The following RPL7 variants were observed in gnomAD, a reference collection of about 807,000 sequenced individuals.
RPL7 encodes ribosomal protein L7, also known as large ribosomal subunit protein uL30.
For synonymous variants in RPL7, 100 were observed against 102.2 expected (o/e 0.98, Z 0.13); for missense variants, 205 against 301.9 (o/e 0.68, Z 2.38).
In RPL7 at chr8:73,292,755, C is replaced by G. The variant is rs1333558191; in HGVS notation, c.57G>C (p.Lys19Asn). ...GCTCTGCGAAATTCCTTCGCTTTTT[C>G]TTAAGGGTTTCTGGCACAGCAGGAA... is the stretch of plus-strand genomic sequence containing the variant. ...KEVPAVPETL[K>N]KKRRNFAELK... is the part of the protein sequence containing the mutation. Residue 19 changes from lysine to asparagine, a missense_variant, in exon 2 of 7, where the codon AAG (lysine) becomes AAC (asparagine). By Grantham distance (94) the Lys-to-Asn change is moderately conservative (BLOSUM62 0). Transcript: ENST00000352983. 6.2e-7 allele frequency: 1 copy of G among 1,613,460 alleles called. No homozygotes were observed. The highest frequency in any genetic ancestry group is 1.3e-5 in the African/African-American group (1 of 74,838).
intron 6 of RPL7, 33 bp downstream of exon 6, chr8:73,291,010 T>G: frequency 6.6e-7 from 1 of 1,506,418 alleles, no homozygotes; most frequent in South Asian, 1.1e-5. Flanking sequence ...ACTCTAACAT[T>G]AACTCAACCT....
chr8:73,291,465 T>A, intron 5 of RPL7, 87 bp downstream of exon 5: 1 of 1,025,760 alleles, frequency 9.7e-7, no homozygotes, highest in Non-Finnish European at 1.4e-6. Flanking sequence ...CACATGAAGA[T>A]TCACAATAGT....
Position 73,293,595 on chromosome 8 carries a change from T to C in RPL7, c.14+4A>G. 6.2e-7 allele frequency: 1 copy of C among 1,613,712 alleles called. No individual in the cohort carries two copies. On this transcript the variant is annotated splice_donor_region_variant and intron_variant, in intron 1 of 6. Transcript: ENST00000352983. ...GATTCTCAAGAGGACCAGAAGCAAC[T>C]CACTCTACACCCTCCATGGTTCCAG...
rs1778952873 is a variant in RPL7 at position 73,291,835 on chromosome 8, A to G, written c.366T>C (p.Phe122=). ...TAATCGAAGCCTTGTTGAGCTTCAC[A>G]AAGGTTCCATTGAAGATTTGACGAA... ...LRLRQIFNGT[F]VKLNKASINM... Residue 122 remains phenylalanine, a synonymous_variant, in exon 4 of 7, where the codon TTT becomes TTC. Coordinates refer to ENST00000352983, the MANE Select transcript of RPL7 (RefSeq NM_000971.4). 4 of 1,613,130 alleles carry G rather than the reference A, an allele frequency of 2.5e-6. No homozygotes were observed. The highest frequency in any genetic ancestry group is 1.3e-5 in the African/African-American group (1 of 74,912).
chr8:73,292,704 C>G lies in RPL7; in HGVS notation c.108G>C (p.Lys36Asn), dbSNP rs953433195. 77 of 1,612,476 alleles carry G rather than the reference C, an allele frequency of 4.8e-5. No individual in the cohort carries two copies. The highest frequency in any genetic ancestry group is 6.4e-5 in the Non-Finnish European group (75 of 1,179,618). The part of the protein sequence containing the change: ...AELKIKRLRK[K>N]FAQKMLRKAR... ...GTTTACTTACCATCTTTTGGGCAAA[C>G]TTCTTTCTCAGGCGCTTGATCTTCA... Residue 36 changes from lysine (K) to asparagine (N), a missense_variant, in exon 2 of 7, where the codon AAG (lysine) becomes AAC (asparagine). Physicochemically the swap from Lys to Asn is moderately conservative, Grantham distance 94. Transcript: ENST00000352983.
chr8:73,291,290 C>G (rs747245110), intron 5 of RPL7, 38 bp from the exon 6 acceptor site: 1 of 1,523,360 alleles, frequency 6.6e-7, no homozygotes, highest in Admixed American at 1.9e-5. Context: ...ATTAAAGTTG[C>G]AAAAAGTTTT....
At chr8:73,291,460 G>A (rs1254526858) in intron 5 of RPL7, 92 bp downstream of exon 5, 4 of 986,056 alleles carry the variant, frequency 4.1e-6, no homozygotes, top group Admixed American at 4.9e-5. Flanking sequence ...GGGAACACAT[G>A]AAGATTCACA....
In RPL7 at chr8:73,292,907, C is replaced by T. The variant is rs911658528; in HGVS notation, c.15-110G>A. The T allele has an allele frequency of 8.1e-6, 6 of 738,408 alleles. No homozygotes were observed. The African/African-American group carries it at 1.1e-4, about 13-fold the overall frequency. The allele number at this position is 738,408 out of a possible 1,614,324, so 45.7% of individuals were successfully genotyped here. A position where few individuals can be genotyped will look rare whatever the true frequency, so the allele number is the denominator to read the frequency against. On this transcript the variant is annotated intron_variant, in intron 1 of 6. Coordinates refer to ENST00000352983, the MANE Select transcript of RPL7 (RefSeq NM_000971.4). ...CAGAAATGCTGTCACTGACTTTAGTCACTAGTAACTTTACTTGCTCTGGCA... is the reference window on the plus strand; with the variant it reads ...CAGAAATGCTGTCACTGACTTTAGTTACTAGTAACTTTACTTGCTCTGGCA...
At chr8:73,292,202 T>TTTTC in intron 3 of RPL7, 37 bp downstream of exon 3, 1 of 1,546,484 alleles carries the variant, frequency 6.5e-7, no homozygotes, top group Non-Finnish European at 8.8e-7. Flanking sequence ...TTTTTTTTTT[T>TTTTC]CCCATTCAAA....
rs759163467 is a variant in RPL7, at chr8:73,291,236, G to C, written c.555C>G (p.Ile185Met). The change falls in exon 6 of 7, where the codon ATC becomes ATG. Residue 185 changes from isoleucine to methionine, a missense_variant. Physicochemically the swap from Ile to Met is conservative, Grantham distance 10. Coordinates refer to ENST00000352983, the MANE Select transcript of RPL7 (RefSeq NM_000971.4). ...IARSLGKYGI[I>M]CMEDLIHEIY... ...TCTCATGAATCAAATCCTCCATGCA[G>C]ATGATGCCGTATTTACCTAAATATT... The C allele has an allele frequency of 6.2e-7, 1 of 1,608,350 alleles. No individual in the cohort carries two copies. Among genetic ancestry groups the C allele is most frequent in the Non-Finnish European group, 8.5e-7 (1 of 1,176,614 alleles).
At chr8:73,293,413 C>T (rs1586183016) in intron 1 of RPL7, 186 bp downstream of exon 1, 1 of 647,992 alleles carries the variant, frequency 1.5e-6, no homozygotes, top group Non-Finnish European at 2.6e-6. Context: ...TCTCCAAAAC[C>T]TCCGTCCTAA....
chr8:73,292,964 A>G (rs895907907), intron 1 of RPL7, 167 bp from the exon 2 acceptor site: 5 of 498,896 alleles, frequency 1.0e-5, no homozygotes, highest in African/African-American at 7.8e-5. Context: ...TTTTAGCTCC[A>G]TGTCAATAAC....
upstream of RPL7, chr8:73,293,917 C>T (rs1018486560): frequency 1.0e-4 from 38 of 362,048 alleles, no homozygotes; most frequent in African/African-American, 7.1e-4. Context: ...GATTAGGCTC[C>T]GTTCCTCCCC....
chr8:73,293,816 T>C (rs1316377860), upstream of RPL7: 2 of 599,816 alleles, frequency 3.3e-6, no homozygotes, highest in African/African-American at 3.7e-5. Flanking sequence ...AGAAAATATA[T>C]GCATTTGATT....
rs560716244 is a variant in RPL7 at position 73,291,580 on chromosome 8, T to C, written c.510A>G (p.Thr170=). The C allele has an allele frequency of 4.8e-4, 764 of 1,596,072 alleles. 9 individuals carry two copies. The South Asian group carries it at 8.1e-3, about 17-fold the overall frequency. ...GAGATCGAGCAATCAAAGCGTTATC[T>C]GTCAAAGCAATTCGCTTCTTATTGA... ...GKINKKRIAL[T]DNALIARSLG... is the part of the protein sequence containing the mutation. Residue 170 remains threonine, a synonymous_variant, in exon 5 of 7, where the codon ACA becomes ACG. Transcript: ENST00000352983.
chr8:73,292,187 G>T lies in RPL7; in HGVS notation c.290+52C>A, dbSNP rs540031588. 2.2e-5 allele frequency: 28 copies of T among 1,291,554 alleles called. No homozygotes were observed. In the South Asian group the frequency reaches 3.6e-4, roughly 17 times the overall value. The allele number at this position is 1,291,554 out of a possible 1,614,324, so 80.0% of individuals were successfully genotyped here. ...TCAGGGCTCCCAGAAGTAATGTGAA[G>T]GTTTTTTTTTTTTTTCCCATTCAAA... On this transcript the variant is annotated intron_variant, in intron 3 of 6. Coordinates refer to ENST00000352983, the MANE Select transcript of RPL7 (RefSeq NM_000971.4).
chr8:73,293,671 CGA>C (rs1193994244), upstream of RPL7: 49 of 1,604,116 alleles, frequency 3.1e-5, no homozygotes, highest in Non-Finnish European at 6.8e-6. Context: ...AAAGACTTCG[CGA>C]GAGAAGCCCC....
At chr8:73,293,374 C>T in intron 1 of RPL7, 1 of 538,644 alleles carries the variant, frequency 1.9e-6, no homozygotes, top group Non-Finnish European at 3.3e-6. Context: ...GTTCCACACA[C>T]ATTCCAACCC....
rs774791493 is a variant in RPL7 at position 73,293,624 on chromosome 8, GA to G, written c.-13del. The G allele has an allele frequency of 1.2e-6, 2 of 1,613,670 alleles. No individual in the cohort carries two copies. The highest frequency in any genetic ancestry group is 4.5e-5 in the East Asian group (2 of 44,862). ...TCTACACCCTCCATGGTTCCAGCCG[GA>G]AAAAGAGGAAGTTGGCGCATGCGTA... is the stretch of plus-strand genomic sequence containing the variant. On this transcript the variant is annotated 5_prime_UTR_variant, in exon 1 of 7. Coordinates refer to ENST00000352983, the MANE Select transcript of RPL7 (RefSeq NM_000971.4).
Sources: gnomAD v4.1 joint callset for allele counts on GRCh38, gnomAD v4.1.1 for gene constraint, MANE v1.5 for transcripts, NCBI Gene and HGNC (gene_info 2026-07-23, HGNC 2026-07-21) for gene names.